The following LINGO2 variants were observed in gnomAD, a reference collection of about 807,000 sequenced individuals.
The protein encoded by LINGO2 is leucine rich repeat and Ig domain containing 2, also known as leucine-rich repeat and immunoglobulin-like domain-containing nogo receptor-interacting protein 2.
A neutral mutation model predicts 30.6 loss-of-function variants in LINGO2; 14 were observed. The ratio of observed to expected loss-of-function variants is 0.46; its 90% CI spans 0.30 to 0.72. LINGO2 has a LOEUF of 0.72. Ranked by LOEUF, LINGO2 falls within the 30% of genes least tolerant of loss-of-function variation. The pLI, the probability that LINGO2 is intolerant of heterozygous loss-of-function variation, is 0.07. For synonymous variants in LINGO2, 317 were observed against 288.5 expected, an observed-to-expected ratio of 1.10 and a Z score of -1.00; for missense variants, 729 against 751.7, an observed-to-expected ratio of 0.97 and a Z score of 0.35.
At chr9:28,013,971 C>T (rs1822689998) in intron 4 of LINGO2, among the ~76,000 whole-genome samples, 1 of 152,162 alleles carries the variant, frequency 6.6e-6, no homozygotes, top group Admixed American at 6.5e-5. Context: ...AGTTACATTG[C>T]TAAGGTGAAG....
chr9:28,540,721 A>C (rs1314980336), intron 1 of LINGO2, among the ~76,000 whole-genome samples: 2 of 152,146 alleles, frequency 1.3e-5, no homozygotes, highest in East Asian at 3.9e-4. Flanking sequence ...CGTGATCATC[A>C]CTCCACCAAG....
At chr9:29,072,203 C>G in the LINGO2 span, among the ~76,000 whole-genome samples, 2 of 151,956 alleles carry the variant, frequency 1.3e-5, no homozygotes, top group East Asian at 1.9e-4. Flanking sequence ...TTAATAATTG[C>G]AAAGTTCCAA....
At chr9:28,038,492 G>C (rs371827680) in intron 4 of LINGO2, among the ~76,000 whole-genome samples, 1 of 152,124 alleles carries the variant, frequency 6.6e-6, no homozygotes, top group Non-Finnish European at 1.5e-5. Context: ...AGGAGATCGA[G>C]ACCATCCCGG....
intron 1 of LINGO2, among the ~76,000 whole-genome samples, chr9:28,521,270 G>T (rs973046816): frequency 1.3e-5 from 2 of 152,128 alleles, no homozygotes; most frequent in Non-Finnish European, 2.9e-5. Context: ...CATCGTCTCT[G>T]AAATTCAATA....
intron 3 of LINGO2, among the ~76,000 whole-genome samples, chr9:28,359,529 C>T (rs1227053534): frequency 1.3e-5 from 2 of 152,114 alleles, no homozygotes; most frequent in Non-Finnish European, 2.9e-5. Context: ...TATAACTGTA[C>T]AATCCAAAAT....
intron 4 of LINGO2, among the ~76,000 whole-genome samples, chr9:28,033,529 G>A (rs765361158): frequency 3.9e-5 from 6 of 152,160 alleles, no homozygotes; most frequent in African/African-American, 7.2e-5. Flanking sequence ...CCACGGTATA[G>A]TTGTAAAAGG....
chr9:28,632,868 ATATATATATATG>A (rs1264783473), intron 1 of LINGO2, among the ~76,000 whole-genome samples: 12 of 108,290 alleles, frequency 1.1e-4, no homozygotes, highest in Non-Finnish European at 1.9e-4. Flanking sequence ...ATATATATAT[ATATATATATATG>A]TAGAGAGAGA....
At chr9:28,894,750 A>G in the LINGO2 span, among the ~76,000 whole-genome samples, 1 of 152,058 alleles carries the variant, frequency 6.6e-6, no homozygotes, top group Non-Finnish European at 1.5e-5. Context: ...TACAAATTGC[A>G]TATATTTATC....
intron 3 of LINGO2, among the ~76,000 whole-genome samples, chr9:28,301,902 G>C (rs182043674): frequency 4.6e-5 from 7 of 152,144 alleles, no homozygotes; most frequent in African/African-American, 1.7e-4. Flanking sequence ...CTACAAGCCA[G>C]AAGAGATTGG....
chr9:28,544,203 C>A (rs1449280553), intron 1 of LINGO2, among the ~76,000 whole-genome samples: 2 of 149,718 alleles, frequency 1.3e-5, no homozygotes, highest in African/African-American at 2.5e-5. Flanking sequence ...AAACCAATCT[C>A]AAAAAAAAAT....
At chr9:28,404,510 T>A (rs1048541393) in intron 2 of LINGO2, among the ~76,000 whole-genome samples, 3 of 152,182 alleles carry the variant, frequency 2.0e-5, no homozygotes, top group African/African-American at 7.2e-5. Flanking sequence ...ATTTCTACAA[T>A]GTACCATAAA....
intron 4 of LINGO2, among the ~76,000 whole-genome samples, chr9:28,117,804 A>G (rs1474038198): frequency 6.6e-6 from 1 of 150,992 alleles, no homozygotes; most frequent in Non-Finnish European, 1.5e-5. Flanking sequence ...GCCTGCGCCC[A>G]CTGTCTGGCA....
At chr9:28,097,840 A>G (rs895169443) in intron 4 of LINGO2, among the ~76,000 whole-genome samples, 32 of 144,258 alleles carry the variant, frequency 2.2e-4, no homozygotes, top group African/African-American at 8.0e-4. Context: ...TATAATAATA[A>G]TGAAATAAAA....
the LINGO2 span, among the ~76,000 whole-genome samples, chr9:28,861,200 TA>T: frequency 4.5e-4 from 52 of 116,106 alleles, no homozygotes; most frequent in African/African-American, 1.7e-3. Context: ...TTTTATATAT[TA>T]TATATTTTTT....
exon 6 of LINGO2, chr9:27,949,940 A>T: frequency 6.2e-7 from 1 of 1,614,118 alleles, no homozygotes; most frequent in Non-Finnish European, 8.5e-7. Flanking sequence ...CGTAGAGGCT[A>T]TTGGCAGGCA....
intron 4 of LINGO2, among the ~76,000 whole-genome samples, chr9:28,054,532 G>T (rs1171208718): frequency 6.6e-6 from 1 of 152,046 alleles, no homozygotes; most frequent in African/African-American, 2.4e-5. Flanking sequence ...TATGTTTACT[G>T]CATGAAGTTT....
At chr9:28,994,470 T>A in the LINGO2 span, among the ~76,000 whole-genome samples, 1 of 151,136 alleles carries the variant, frequency 6.6e-6, no homozygotes, top group African/African-American at 2.4e-5. Flanking sequence ...TTCAATGCCA[T>A]CCCCATCAAG....
the LINGO2 span, among the ~76,000 whole-genome samples, chr9:28,885,356 T>TACACAC: frequency 0.018 from 2,411 of 132,892 alleles, 84 homozygotes; most frequent in African/African-American, 0.07. Context: ...GAGATATATA[T>TACACAC]ATATACACAC....
At chr9:29,035,684 G>A in the LINGO2 span, among the ~76,000 whole-genome samples, 2 of 151,464 alleles carry the variant, frequency 1.3e-5, no homozygotes, top group African/African-American at 4.8e-5. Context: ...GGAGAAGAGA[G>A]GAAAGGAAAA....
Sources: allele counts gnomAD v4.1 joint callset (sites outside exome capture counted in the v4.1 genomes callset), GRCh38; gene constraint gnomAD v4.1.1; transcripts MANE v1.5; gene names NCBI Gene and HGNC (gene_info 2026-07-23, HGNC 2026-07-21).